Variants in GRIA4 observed in about 807,000 individuals in gnomAD.
The protein encoded by GRIA4 is glutamate receptor 4.
In GRIA4, 34 loss-of-function variants were observed where a neutral mutation model predicts 104.0. The observed-to-expected ratio is 0.33, with a 90% CI of 0.25 to 0.44. The LOEUF is 0.44. Among genes scored for constraint, GRIA4 ranks in the 20% least tolerant of loss-of-function variants. GRIA4 has a pLI of 1.00. For synonymous variants in GRIA4, 386 were observed against 381.9 expected, an observed-to-expected ratio of 1.01 and a Z score of -0.13; for missense variants, 750 against 1,096.5, an observed-to-expected ratio of 0.68 and a Z score of 4.46.
intron 6 of GRIA4, 54 bp downstream of exon 6, chr11:105,887,626 T>G (rs1374520374): frequency 9.9e-6 from 8 of 806,548 alleles, no homozygotes; most frequent in Non-Finnish European, 1.7e-5. Flanking sequence ...CACACAAGAT[T>G]ATTTTAACTG....
chr11:105,967,111 CAT>C (rs1485827760), intron 14 of GRIA4, among the ~76,000 whole-genome samples: 1 of 152,148 alleles, frequency 6.6e-6, no homozygotes, highest in Admixed American at 6.5e-5. Flanking sequence ...CAGAAAATAT[CAT>C]AGAATAACAC....
chr11:105,780,003 G>A (rs1305571222), intron 4 of GRIA4, among the ~76,000 whole-genome samples: 1 of 152,174 alleles, frequency 6.6e-6, no homozygotes, highest in Non-Finnish European at 1.5e-5. Flanking sequence ...TATTAAGATA[G>A]TGGAATTGTG....
intron 3 of GRIA4, among the ~76,000 whole-genome samples, chr11:105,677,929 A>G (rs1952589764): frequency 6.6e-6 from 1 of 151,950 alleles, no homozygotes; most frequent in South Asian, 2.1e-4. Context: ...TGTGAAGCAT[A>G]TTTGTTTGTC....
At chr11:105,688,122 A>C (rs915487594) in intron 3 of GRIA4, among the ~76,000 whole-genome samples, 4 of 74,460 alleles carry the variant, frequency 5.4e-5, no homozygotes, top group African/African-American at 1.2e-4. Flanking sequence ...ATCTATATCT[A>C]TATCTATATC....
At chr11:105,852,949 C>T (rs1327700568) in intron 4 of GRIA4, among the ~76,000 whole-genome samples, 2 of 148,388 alleles carry the variant, frequency 1.3e-5, no homozygotes, top group African/African-American at 4.9e-5. Context: ...AAAGCCAGAT[C>T]CAAATTAATA....
intron 13 of GRIA4, among the ~76,000 whole-genome samples, chr11:105,933,248 A>C (rs1947934950): frequency 6.6e-6 from 1 of 151,722 alleles, no homozygotes; most frequent in African/African-American, 2.4e-5. Flanking sequence ...TCTCCAAAAA[A>C]CTCTAAAAAA....
At chr11:105,929,081 G>A (rs965952702) in intron 13 of GRIA4, among the ~76,000 whole-genome samples, 24 of 152,090 alleles carry the variant, frequency 1.6e-4, no homozygotes, top group African/African-American at 5.3e-4. Flanking sequence ...CTGGCAACAC[G>A]CTTTCAGGAA....
At chr11:105,647,581 G>A (rs1951564149) in intron 3 of GRIA4, among the ~76,000 whole-genome samples, 1 of 152,154 alleles carries the variant, frequency 6.6e-6, no homozygotes, top group African/African-American at 2.4e-5. Context: ...AGAAAAATGT[G>A]GTGCACATAC....
chr11:105,729,467 C>T (rs563634150), intron 3 of GRIA4, among the ~76,000 whole-genome samples: 1 of 152,068 alleles, frequency 6.6e-6, no homozygotes, highest in Non-Finnish European at 1.5e-5. Context: ...CTATTCCAAA[C>T]AATAGAAAAA....
At chr11:105,797,418 TATAA>T (rs1438029930) in intron 4 of GRIA4, among the ~76,000 whole-genome samples, 17 of 152,214 alleles carry the variant, frequency 1.1e-4, no homozygotes, top group African/African-American at 4.1e-4. Context: ...GTTCCACAAA[TATAA>T]ATAATCAGGA....
At chr11:105,803,297 TAGAG>T (rs1352330662) in intron 4 of GRIA4, among the ~76,000 whole-genome samples, 3 of 151,936 alleles carry the variant, frequency 2.0e-5, no homozygotes, top group African/African-American at 4.8e-5. Flanking sequence ...AGTTCCATGT[TAGAG>T]AGAAGAAGAC....
At chr11:105,848,417 T>C (rs536860373) in intron 4 of GRIA4, among the ~76,000 whole-genome samples, 6 of 152,334 alleles carry the variant, frequency 3.9e-5, no homozygotes, top group African/African-American at 1.4e-4. Context: ...TATTTTAAAG[T>C]GGTCATTTTA....
At chr11:105,897,700 G>C (rs1223479875) in intron 6 of GRIA4, among the ~76,000 whole-genome samples, 1 of 151,984 alleles carries the variant, frequency 6.6e-6, no homozygotes, top group South Asian at 2.1e-4. Context: ...TTTTTATTTG[G>C]TGAATCACAT....
At chr11:105,919,680 A>T (rs1312698076) in intron 11 of GRIA4, among the ~76,000 whole-genome samples, 4 of 152,148 alleles carry the variant, frequency 2.6e-5, no homozygotes, top group Non-Finnish European at 4.4e-5. Flanking sequence ...CTACCACTGT[A>T]AATGTCAAAA....
At chr11:105,971,858 C>T (rs939555452) in intron 14 of GRIA4, 56 bp from the exon 15 acceptor site, 1 of 1,154,292 alleles carries the variant, frequency 8.7e-7, no homozygotes, top group African/African-American at 1.6e-5. Context: ...TGTAGTTTTA[C>T]TTGAATAACA....
chr11:105,699,935 A>G (rs189646488), intron 3 of GRIA4, among the ~76,000 whole-genome samples: 1 of 152,292 alleles, frequency 6.6e-6, no homozygotes, highest in East Asian at 1.9e-4. Context: ...TAAAAGCCCC[A>G]TGAAAATAGG....
chr11:105,753,524 T>G (rs1940127041), intron 4 of GRIA4, among the ~76,000 whole-genome samples: 1 of 152,184 alleles, frequency 6.6e-6, no homozygotes, highest in Non-Finnish European at 1.5e-5. Context: ...AAAAAATAGT[T>G]CTGTGACCTC....
intron 3 of GRIA4, among the ~76,000 whole-genome samples, chr11:105,727,602 A>C (rs1398013212): frequency 6.6e-6 from 1 of 152,192 alleles, no homozygotes; most frequent in Non-Finnish European, 1.5e-5. Flanking sequence ...AAATGAAGGA[A>C]AAAATGTTAA....
chr11:105,974,227 T>G, intron 15 of GRIA4, 83 bp from the exon 16 acceptor site: 1 of 1,366,574 alleles, frequency 7.3e-7, no homozygotes, highest in Non-Finnish European at 1.0e-6. Flanking sequence ...TTTACTTTCA[T>G]TGGCTTTTTG....
Sources: allele counts gnomAD v4.1 joint callset (sites outside exome capture counted in the v4.1 genomes callset), GRCh38; gene constraint gnomAD v4.1.1; transcripts MANE v1.5; gene names NCBI Gene and HGNC (gene_info 2026-07-23, HGNC 2026-07-21).